ARMCX4: variants seen among roughly 807,000 people sequenced by gnomAD.
ARMCX4 encodes armadillo repeat containing X-linked 4.
In ARMCX4, 3 loss-of-function variants were observed where a neutral mutation model predicts 34.7. That is an observed-to-expected ratio of 0.09 (90% CI 0.04 to 0.22). ARMCX4 has a LOEUF of 0.22. Ranked by LOEUF, ARMCX4 falls within the 10% of genes least tolerant of loss-of-function variation. The pLI is 1.00. For missense variants in ARMCX4, 1,448 were observed against 1,720.8 expected (o/e 0.84, Z 2.81); for synonymous variants, 513 against 632.8 (o/e 0.81, Z 2.84).
At chrX:101,436,435 GCT>G (rs1391703835) in intron 2 of ARMCX4, among the ~76,000 whole-genome samples, 39 of 109,542 alleles carry the variant, frequency 3.6e-4, no homozygotes, top group Non-Finnish European at 6.7e-4. Flanking sequence ...TCATGATTTG[GCT>G]CTCTGTTTGT....
At chrX:101,429,469 G>T (rs1191695631) in intron 2 of ARMCX4, among the ~76,000 whole-genome samples, 1 of 107,602 alleles carries the variant, frequency 9.3e-6, no homozygotes, top group Non-Finnish European at 1.9e-5. Flanking sequence ...CCGAGTAGCT[G>T]GGACTACAGG....
intron 7 of ARMCX4, among the ~76,000 whole-genome samples, chrX:101,503,689 C>G (rs1232368448): frequency 2.7e-5 from 3 of 111,369 alleles, no homozygotes; most frequent in Non-Finnish European, 3.8e-5. Flanking sequence ...GATATTAGCC[C>G]TTTGTCAGAT....
intron 4 of ARMCX4, among the ~76,000 whole-genome samples, chrX:101,454,698 G>A (rs1932178513): frequency 9.0e-6 from 1 of 111,190 alleles, no homozygotes; most frequent in African/African-American, 3.3e-5. Flanking sequence ...GCACACCATT[G>A]AGGTAGTGAA....
downstream of ARMCX4, among the ~76,000 whole-genome samples, chrX:101,496,897 G>A (rs1934189659): frequency 8.9e-6 from 1 of 111,854 alleles, no homozygotes; most frequent in Non-Finnish European, 1.9e-5. Context: ...ACACGTAATT[G>A]GCTTGTAGGA....
At chrX:101,474,735 A>G (rs1556003867) in intron 4 of ARMCX4, among the ~76,000 whole-genome samples, 2 of 96,291 alleles carry the variant, frequency 2.1e-5, no homozygotes, top group Non-Finnish European at 4.1e-5. Context: ...TAGATGCAGA[A>G]AAAGCCTTTG....
intron 2 of ARMCX4, among the ~76,000 whole-genome samples, chrX:101,421,782 C>T (rs782031732): frequency 1.4e-4 from 15 of 110,346 alleles, no homozygotes; most frequent in African/African-American, 4.0e-4. Context: ...GGGTAGAGCC[C>T]TCATGGCTTA....
chrX:101,530,858 AATAG>A (rs2147728567), intron 11 of ARMCX4, among the ~76,000 whole-genome samples: 1 of 112,611 alleles, frequency 8.9e-6, no homozygotes, highest in Admixed American at 9.4e-5. Flanking sequence ...ATGGAGAAGC[AATAG>A]AAATGATAAA....
At chrX:101,484,373 T>C, upstream of ARMCX4, among the ~76,000 whole-genome samples, 1 of 112,220 alleles carries the variant, frequency 8.9e-6, no homozygotes, top group South Asian at 3.7e-4. Context: ...TCCATGGGTG[T>C]GGTGAGGCTG....
At chrX:101,519,053 A>T (rs146159830) in intron 11 of ARMCX4, among the ~76,000 whole-genome samples, 12 of 111,180 alleles carry the variant, frequency 1.1e-4, no homozygotes, top group Non-Finnish European at 3.8e-5. Context: ...CATTGGAGAA[A>T]ATAATAAAAT....
At chrX:101,482,746 TGTAAA>T (rs781968320), upstream of ARMCX4, among the ~76,000 whole-genome samples, 2 of 111,104 alleles carry the variant, frequency 1.8e-5, no homozygotes, top group South Asian at 3.8e-4. Context: ...GGGATTTGTA[TGTAAA>T]GTAAACAGCA....
intron 4 of ARMCX4, among the ~76,000 whole-genome samples, chrX:101,467,796 T>G (rs1932819825): frequency 8.9e-6 from 1 of 112,234 alleles, no homozygotes; most frequent in Non-Finnish European, 1.9e-5. Flanking sequence ...ACCCAAAACA[T>G]GGTTTCTGCT....
At chrX:101,436,138 G>A (rs1485887115) in intron 2 of ARMCX4, among the ~76,000 whole-genome samples, 1 of 107,540 alleles carries the variant, frequency 9.3e-6, no homozygotes, top group Non-Finnish European at 1.9e-5. Context: ...CTCTTTTTTG[G>A]TTCCATATGA....
chrX:101,463,874 C>T (rs1556001551), intron 4 of ARMCX4, among the ~76,000 whole-genome samples: 1 of 110,482 alleles, frequency 9.1e-6, no homozygotes, highest in African/African-American at 3.3e-5. Flanking sequence ...CCACCTCAGC[C>T]ACCCAAGTAG....
At chrX:101,446,105 A>C (rs1931604707) in exon 4 of ARMCX4, 1 of 111,989 alleles carries the variant, frequency 8.9e-6, no homozygotes, top group Admixed American at 9.5e-5. Flanking sequence ...TTTCTAATTT[A>C]GTATTTCTCA....
chrX:101,464,517 T>A (rs1241870195), intron 4 of ARMCX4, among the ~76,000 whole-genome samples: 1 of 111,148 alleles, frequency 9.0e-6, no homozygotes, highest in African/African-American at 3.3e-5. Context: ...TAACATCAAG[T>A]GGTAGGTTCA....
At chrX:101,456,087 A>C (rs1197956481) in intron 4 of ARMCX4, among the ~76,000 whole-genome samples, 1 of 111,094 alleles carries the variant, frequency 9.0e-6, no homozygotes, top group Non-Finnish European at 1.9e-5. Context: ...ACCCGGGTTG[A>C]TTCCATGTCT....
intron 4 of ARMCX4, among the ~76,000 whole-genome samples, chrX:101,454,784 A>G (rs1335004812): frequency 5.4e-5 from 6 of 111,446 alleles, no homozygotes; most frequent in Non-Finnish European, 1.1e-4. Flanking sequence ...CTTGTAAACA[A>G]CAAGAGTTTA....
chrX:101,427,805 A>C (rs542619485), intron 2 of ARMCX4, among the ~76,000 whole-genome samples: 4 of 111,566 alleles, frequency 3.6e-5, no homozygotes, highest in African/African-American at 1.3e-4. Context: ...GAACTAATTC[A>C]TTCCTAAGGG....
At chrX:101,455,292 CATTTA>C (rs1219370550) in intron 4 of ARMCX4, among the ~76,000 whole-genome samples, 2 of 111,967 alleles carry the variant, frequency 1.8e-5, no homozygotes, top group Admixed American at 9.5e-5. Flanking sequence ...TTACAGAACA[CATTTA>C]ATTTTACTCT....
Sources: allele counts gnomAD v4.1 joint callset (sites outside exome capture counted in the v4.1 genomes callset), GRCh38; gene constraint gnomAD v4.1.1; transcripts MANE v1.5; gene names NCBI Gene and HGNC (gene_info 2026-07-23, HGNC 2026-07-21).